UVRAG: variants seen among roughly 807,000 people sequenced by gnomAD.
UVRAG encodes the protein UV radiation resistance associated, also known as UV radiation resistance-associated gene protein.
A neutral mutation model predicts 78.0 loss-of-function variants in UVRAG; 19 were observed. The ratio of observed to expected loss-of-function variants is 0.24; its 90% CI spans 0.17 to 0.36. The LOEUF is 0.36. Among genes scored for constraint, UVRAG ranks in the 10% least tolerant of loss-of-function variants. The probability of loss-of-function intolerance (pLI) is 1.00; values close to 1 mark genes in which losing one functional copy is unlikely to be tolerated. For synonymous variants in UVRAG, 323 were observed against 324.6 expected, an observed-to-expected ratio of 1.00 and a Z score of 0.05; for missense variants, 740 against 853.8, an observed-to-expected ratio of 0.87 and a Z score of 1.66.
chr11:75,837,016 A>G (rs1945791810), intron 1 of UVRAG, among the ~76,000 whole-genome samples: 1 of 151,934 alleles, frequency 6.6e-6, no homozygotes, highest in African/African-American at 2.4e-5. Flanking sequence ...CACCACCCTA[A>G]TCCCCCACCA....
At chr11:75,984,134 A>C (rs896275214) in intron 8 of UVRAG, among the ~76,000 whole-genome samples, 3 of 152,194 alleles carry the variant, frequency 2.0e-5, no homozygotes, top group African/African-American at 7.2e-5. Flanking sequence ...ATGAATTTTG[A>C]ATTTTGATCT....
intron 7 of UVRAG, among the ~76,000 whole-genome samples, chr11:75,970,606 G>A (rs1298890400): frequency 3.3e-5 from 5 of 151,864 alleles, no homozygotes; most frequent in African/African-American, 7.3e-5. Context: ...GGTCGCGGGC[G>A]CCTGTAGTCC....
intron 14 of UVRAG, among the ~76,000 whole-genome samples, chr11:76,135,880 C>T (rs956055127): frequency 2.0e-5 from 3 of 152,210 alleles, no homozygotes; most frequent in African/African-American, 7.2e-5. Flanking sequence ...GTCCACTCCT[C>T]CCAAAACACA....
Position 75,983,415 on chromosome 11 carries a change from A to C in UVRAG, c.728A>C (p.Lys243Thr), listed in dbSNP as rs1949432481. ...AAAAAAAGTGAATGCCTGCAGTTAA[A>C]AATTTTGGTGCTTCAGAATGAACTG... ...LKKKSECLQL[K>T]ILVLQNELER... Residue 243 changes from lysine (K) to threonine (T), a missense_variant, in exon 8 of 15, where the codon AAA becomes ACA. By Grantham distance (78) the Lys-to-Thr change is moderately conservative. Coordinates refer to ENST00000356136, the MANE Select transcript of UVRAG (RefSeq NM_003369.4). 3 of 1,604,170 alleles carry C rather than the reference A, an allele frequency of 1.9e-6. No individual in the cohort carries two copies. Among genetic ancestry groups the C allele is most frequent in the Non-Finnish European group, 2.6e-6 (3 of 1,175,622 alleles).
chr11:75,994,786 G>T (rs947423264), intron 8 of UVRAG, among the ~76,000 whole-genome samples: 2 of 152,136 alleles, frequency 1.3e-5, no homozygotes, highest in African/African-American at 2.4e-5. Flanking sequence ...TCTAGTATGT[G>T]TCCGGGTCAA....
At chr11:75,819,381 C>G (rs1945337932) in intron 1 of UVRAG, among the ~76,000 whole-genome samples, 1 of 151,940 alleles carries the variant, frequency 6.6e-6, no homozygotes, top group Admixed American at 6.6e-5. Context: ...CAGTTTTACT[C>G]TGGTCACCCA....
At chr11:76,068,585 G>A (rs1475285566) in intron 13 of UVRAG, among the ~76,000 whole-genome samples, 1 of 152,038 alleles carries the variant, frequency 6.6e-6, no homozygotes, top group Non-Finnish European at 1.5e-5. Flanking sequence ...AAATGTATTC[G>A]GGAAGCCCTT....
chr11:75,978,756 G>A (rs1174753624), intron 7 of UVRAG, among the ~76,000 whole-genome samples: 1 of 152,124 alleles, frequency 6.6e-6, no homozygotes. Flanking sequence ...GTTTATTCTA[G>A]TTAGCCATTC....
chr11:75,837,778 T>C (rs1241138697), intron 1 of UVRAG: 1 of 152,258 alleles, frequency 6.6e-6, no homozygotes, highest in Non-Finnish European at 1.5e-5. Context: ...TACATTCTCA[T>C]GCCTTTATAA....
intron 3 of UVRAG, among the ~76,000 whole-genome samples, chr11:75,870,050 T>A (rs1946618160): frequency 1.3e-5 from 2 of 152,114 alleles, no homozygotes; most frequent in South Asian, 4.1e-4. Flanking sequence ...CATGTAGAAA[T>A]TGGGCGGGTA....
intron 13 of UVRAG, among the ~76,000 whole-genome samples, chr11:76,073,730 T>C (rs1951356591): frequency 6.6e-6 from 1 of 152,212 alleles, no homozygotes; most frequent in Non-Finnish European, 1.5e-5. Context: ...GAAAACTTTA[T>C]TGATAGGGTT....
At chr11:75,931,687 A>G (rs1419410474) in intron 6 of UVRAG, among the ~76,000 whole-genome samples, 1 of 152,120 alleles carries the variant, frequency 6.6e-6, no homozygotes, top group Non-Finnish European at 1.5e-5. Context: ...GAAACAATGT[A>G]TTTGTTTCTG....
intron 1 of UVRAG, among the ~76,000 whole-genome samples, chr11:75,845,368 A>C (rs1728496776): frequency 6.6e-6 from 1 of 152,214 alleles, no homozygotes; most frequent in Non-Finnish European, 1.5e-5. Context: ...CATTTGAGGA[A>C]GTTTCTGGAG....
At chr11:76,080,425 GT>G (rs1951474893) in intron 13 of UVRAG, among the ~76,000 whole-genome samples, 1 of 152,058 alleles carries the variant, frequency 6.6e-6, no homozygotes. Context: ...TTACATGTTT[GT>G]TTTGTGGGAC....
At chr11:76,053,526 A>G (rs549184671) in intron 12 of UVRAG, among the ~76,000 whole-genome samples, 10 of 152,154 alleles carry the variant, frequency 6.6e-5, no homozygotes, top group South Asian at 2.1e-4. Context: ...CTATTCACAT[A>G]TCTTCCTCTC....
intron 6 of UVRAG, among the ~76,000 whole-genome samples, chr11:75,949,556 C>A (rs1948644370): frequency 1.3e-5 from 2 of 152,046 alleles, no homozygotes; most frequent in South Asian, 4.1e-4. Context: ...GAAAATAGAA[C>A]TTTCTTCTCA....
intron 13 of UVRAG, among the ~76,000 whole-genome samples, chr11:76,102,538 T>C (rs1951895634): frequency 6.6e-6 from 1 of 152,172 alleles, no homozygotes; most frequent in African/African-American, 2.4e-5. Flanking sequence ...ACTTCCTCTC[T>C]TCCTGTTAGG....
chr11:75,869,484 G>A (rs754282192), intron 3 of UVRAG, among the ~76,000 whole-genome samples: 1 of 152,166 alleles, frequency 6.6e-6, no homozygotes, highest in Non-Finnish European at 1.5e-5. Flanking sequence ...TGTAGCTTAT[G>A]TCAGATTATG....
intron 1 of UVRAG, chr11:75,837,696 C>T (rs1031498133): frequency 2.0e-5 from 3 of 151,958 alleles, no homozygotes; most frequent in African/African-American, 7.3e-5. Context: ...TGGTTGAATC[C>T]AGAATCCTCA....
Sources: gnomAD v4.1 joint callset for allele counts (sites outside exome capture counted in the v4.1 genomes callset) on GRCh38, gnomAD v4.1.1 for gene constraint, MANE v1.5 for transcripts, NCBI Gene and HGNC (gene_info 2026-07-23, HGNC 2026-07-21) for gene names.